Variants in ABLIM1 observed in about 807,000 individuals in gnomAD.
ABLIM1 encodes actin binding LIM protein 1.
ABLIM1 carries 40 observed loss-of-function variants against 107.0 expected under a neutral mutation model. That is an observed-to-expected ratio of 0.37 (90% confidence interval 0.29 to 0.49). ABLIM1 has a LOEUF of 0.49. Among genes scored for constraint, ABLIM1 ranks in the 20% least tolerant of loss-of-function variants. The pLI is 0.97. For synonymous variants in ABLIM1, 357 were observed against 357.3 expected, an observed-to-expected ratio of 1.00 and a Z score of 0.01; for missense variants, 857 against 1,008.5, an observed-to-expected ratio of 0.85 and a Z score of 2.04.
At chr10:114,576,364 G>C (rs2072545480) in intron 2 of ABLIM1, among the ~76,000 whole-genome samples, 1 of 152,204 alleles carries the variant, frequency 6.6e-6, no homozygotes, top group Non-Finnish European at 1.5e-5. Context: ...AGCAGTCCCT[G>C]ACAGTAAAGA....
At chr10:114,655,012 A>T (rs540093140) in intron 1 of ABLIM1, among the ~76,000 whole-genome samples, 1 of 152,268 alleles carries the variant, frequency 6.6e-6, no homozygotes, top group South Asian at 2.1e-4. Context: ...AATTGTTTAT[A>T]TAGACAGGAG....
At chr10:114,440,022 G>T in intron 20 of ABLIM1, 60 bp downstream of exon 20, 1 of 1,613,114 alleles carries the variant, frequency 6.2e-7, no homozygotes, top group South Asian at 1.1e-5. Flanking sequence ...CAGCAGTCTG[G>T]GTTGGAACAT....
At chr10:114,604,590 A>C (rs568251500) in intron 1 of ABLIM1, among the ~76,000 whole-genome samples, 7 of 152,340 alleles carry the variant, frequency 4.6e-5, no homozygotes, top group African/African-American at 1.7e-4. Context: ...CCTTTTTAGT[A>C]AACTACTCAA....
chr10:114,650,029 T>C (rs772659408), intron 1 of ABLIM1, among the ~76,000 whole-genome samples: 1 of 152,132 alleles, frequency 6.6e-6, no homozygotes, highest in East Asian at 1.9e-4. Context: ...CTAATTTTTG[T>C]ATTTTTTAGT....
At chr10:114,494,041 A>G (rs61870101) in intron 6 of ABLIM1, among the ~76,000 whole-genome samples, 2,706 of 152,326 alleles carry the variant, frequency 0.018, 42 homozygotes, top group East Asian at 0.059. Context: ...GTACTTTAGT[A>G]TGGGCATGGG....
At chr10:114,503,790 G>T (rs1044110657) in intron 6 of ABLIM1, among the ~76,000 whole-genome samples, 1 of 152,214 alleles carries the variant, frequency 6.6e-6, no homozygotes, top group African/African-American at 2.4e-5. Context: ...TTTATAAAAT[G>T]GTCTCTAAGT....
the ABLIM1 span, among the ~76,000 whole-genome samples, chr10:114,784,787 G>C: frequency 6.6e-6 from 1 of 151,650 alleles, no homozygotes; most frequent in Non-Finnish European, 1.5e-5. Flanking sequence ...AACGTGCACT[G>C]AATAAGTGGA....
chr10:114,653,871 A>G (rs1028800946), intron 1 of ABLIM1, among the ~76,000 whole-genome samples: 27 of 152,096 alleles, frequency 1.8e-4, no homozygotes, highest in African/African-American at 6.5e-4. Context: ...TAAGTGGGGG[A>G]AAACAATTTC....
chr10:114,604,973 A>G (rs1437877806), intron 1 of ABLIM1, among the ~76,000 whole-genome samples: 8 of 152,258 alleles, frequency 5.3e-5, no homozygotes, highest in Non-Finnish European at 5.9e-5. Flanking sequence ...TGCATTTTGC[A>G]TAAGTTTCCC....
chr10:114,585,677 C>CA (rs2074106166), intron 2 of ABLIM1, among the ~76,000 whole-genome samples: 1 of 152,134 alleles, frequency 6.6e-6, no homozygotes, highest in African/African-American at 2.4e-5. Flanking sequence ...TTACTCCAGT[C>CA]AATCTCCTCA....
chr10:114,625,003 G>A (rs1053458636), intron 1 of ABLIM1, among the ~76,000 whole-genome samples: 1 of 152,166 alleles, frequency 6.6e-6, no homozygotes, highest in African/African-American at 2.4e-5. Context: ...GTTGAGTAGT[G>A]TGAATGTCAC....
At chr10:114,663,684 C>T (rs1016731198) in intron 1 of ABLIM1, among the ~76,000 whole-genome samples, 1 of 152,218 alleles carries the variant, frequency 6.6e-6, no homozygotes, top group Non-Finnish European at 1.5e-5. Flanking sequence ...CTGGAAGGCA[C>T]TAAGTGGCAG....
intron 2 of ABLIM1, among the ~76,000 whole-genome samples, chr10:114,592,646 A>G (rs2075013416): frequency 6.6e-6 from 1 of 152,110 alleles, no homozygotes; most frequent in Admixed American, 6.6e-5. Context: ...TCCAGGCAAG[A>G]GGTAATGGTG....
intron 1 of ABLIM1, among the ~76,000 whole-genome samples, chr10:114,644,872 G>A (rs1332887105): frequency 2.6e-5 from 4 of 152,182 alleles, no homozygotes; most frequent in African/African-American, 9.7e-5. Flanking sequence ...AAGCCAGACG[G>A]GCGGGAAGAG....
intron 2 of ABLIM1, 137 bp downstream of exon 2, chr10:114,601,690 C>T (rs1171956919): frequency 2.9e-6 from 4 of 1,384,658 alleles, no homozygotes; most frequent in East Asian, 2.3e-5. Context: ...CCCAAACTGG[C>T]AGTAAATGAT....
chr10:114,505,215 C>T (rs1034570330), intron 6 of ABLIM1, among the ~76,000 whole-genome samples: 2 of 152,222 alleles, frequency 1.3e-5, no homozygotes, highest in African/African-American at 4.8e-5. Context: ...AACTCAGACA[C>T]TGCCCTAACA....
chr10:114,604,264 C>A (rs1431898296), intron 1 of ABLIM1, among the ~76,000 whole-genome samples: 3 of 152,204 alleles, frequency 2.0e-5, no homozygotes, highest in Admixed American at 2.0e-4. Flanking sequence ...TTTCTGACTG[C>A]TAAGTTCATG....
At chr10:114,522,828 G>A (rs1379864182) in intron 6 of ABLIM1, among the ~76,000 whole-genome samples, 3 of 152,182 alleles carry the variant, frequency 2.0e-5, no homozygotes, top group African/African-American at 4.8e-5. Context: ...AAAGGCTCAC[G>A]CTTGCTCATT....
intron 2 of ABLIM1, among the ~76,000 whole-genome samples, chr10:114,578,873 G>A (rs146921710): frequency 0.012 from 1,592 of 137,782 alleles, 21 homozygotes; most frequent in African/African-American, 0.041. Context: ...TGCAACCTCT[G>A]CCTCCTGGGT....
Sources: gnomAD v4.1 joint callset for allele counts (sites outside exome capture counted in the v4.1 genomes callset) on GRCh38, gnomAD v4.1.1 for gene constraint, MANE v1.5 for transcripts, NCBI Gene and HGNC (gene_info 2026-07-23, HGNC 2026-07-21) for gene names.